Variants in COL25A1 observed in about 807,000 individuals in gnomAD.
COL25A1 encodes collagen type XXV alpha 1 chain.
COL25A1 carries 103 observed loss-of-function variants against 128.4 expected under a neutral mutation model. The observed-to-expected ratio is 0.80, with a 90% CI of 0.68 to 0.94. The LOEUF (loss-of-function observed/expected upper bound fraction) is 0.94. COL25A1 is among the 40% of genes least tolerant of loss of function. The pLI is 0.00. For missense variants in COL25A1, 745 were observed against 840.0 expected, an observed-to-expected ratio of 0.89 and a Z score of 1.40; for synonymous variants, 279 against 277.2, an observed-to-expected ratio of 1.01 and a Z score of -0.06.
chr4:108,976,900 G>A (rs1184748993), intron 6 of COL25A1, among the ~76,000 whole-genome samples: 1 of 152,094 alleles, frequency 6.6e-6, no homozygotes, highest in Non-Finnish European at 1.5e-5. Context: ...TTTTTCACCT[G>A]TTATTGCATT....
At chr4:109,114,014 T>A (rs1308806669) in intron 3 of COL25A1, among the ~76,000 whole-genome samples, 3 of 152,098 alleles carry the variant, frequency 2.0e-5, no homozygotes, top group African/African-American at 7.2e-5. Flanking sequence ...TGTAATAAGA[T>A]GACCAATAAT....
Position 109,032,946 on chromosome 4 carries a change from T to C in COL25A1, c.420+15222A>G, listed in dbSNP as rs554801548. Among the ~76,000 whole-genome samples the C allele has an allele frequency of 3.3e-5, 5 of 152,288 alleles. No individual in the cohort carries two copies. The East Asian group carries it at 7.7e-4, about 24-fold the overall frequency. On this transcript the variant is annotated intron_variant, in intron 5 of 37. Coordinates refer to ENST00000399132, the MANE Select transcript of COL25A1 (RefSeq NM_198721.4). Reference sequence around the variant, plus strand: ...CATGGCTGACTAGCCATCCCTGAAATTGTATAAATGAAAGGAAGTAGGCCA... The same window carrying C: ...CATGGCTGACTAGCCATCCCTGAAACTGTATAAATGAAAGGAAGTAGGCCA...
At chr4:109,083,475 T>G (rs1027984328) in intron 3 of COL25A1, among the ~76,000 whole-genome samples, 1 of 139,136 alleles carries the variant, frequency 7.2e-6, no homozygotes, top group Non-Finnish European at 1.5e-5. Flanking sequence ...TTTTTTTTTT[T>G]TTTTTGAGAC....
At chr4:109,217,956 C>T (rs1363030230) in intron 3 of COL25A1, among the ~76,000 whole-genome samples, 1 of 152,182 alleles carries the variant, frequency 6.6e-6, no homozygotes, top group Non-Finnish European at 1.5e-5. Flanking sequence ...ACTGTATATA[C>T]AAGTCATATG....
chr4:109,071,378 T>G (rs571896426), intron 3 of COL25A1, among the ~76,000 whole-genome samples: 4 of 152,086 alleles, frequency 2.6e-5, no homozygotes, highest in Non-Finnish European at 4.4e-5. Flanking sequence ...ATTCAGGACA[T>G]AGGCATGGGC....
intron 3 of COL25A1, among the ~76,000 whole-genome samples, chr4:109,084,617 T>C (rs531467016): frequency 6.6e-6 from 1 of 152,358 alleles, no homozygotes; most frequent in South Asian, 2.1e-4. Flanking sequence ...AATTTATTCT[T>C]GTATGTTATT....
At chr4:108,851,952 T>C (rs938793084) in intron 26 of COL25A1, among the ~76,000 whole-genome samples, 4 of 152,178 alleles carry the variant, frequency 2.6e-5, no homozygotes, top group African/African-American at 7.2e-5. Flanking sequence ...TTTTTTACAT[T>C]TATAATTTCT....
At chr4:109,289,347 C>T (rs938298870) in intron 3 of COL25A1, among the ~76,000 whole-genome samples, 1 of 152,026 alleles carries the variant, frequency 6.6e-6, no homozygotes, top group African/African-American at 2.4e-5. Context: ...GGTTATAACA[C>T]CTTACTAGTT....
At chr4:109,109,547 TTA>T (rs1165205670) in intron 3 of COL25A1, among the ~76,000 whole-genome samples, 1 of 152,192 alleles carries the variant, frequency 6.6e-6, no homozygotes, top group African/African-American at 2.4e-5. Flanking sequence ...AAACTCATCT[TTA>T]CATTAACAAG....
At chr4:109,180,861 T>C (rs868217239) in intron 3 of COL25A1, among the ~76,000 whole-genome samples, 7 of 152,174 alleles carry the variant, frequency 4.6e-5, no homozygotes, top group South Asian at 2.1e-4. Context: ...AATTATTTAG[T>C]ATTTATAAAA....
chr4:109,021,483 G>A (rs965986927), intron 5 of COL25A1, among the ~76,000 whole-genome samples: 32 of 152,078 alleles, frequency 2.1e-4, no homozygotes, highest in African/African-American at 7.2e-4. Flanking sequence ...GAGGATGTAC[G>A]TCACCTCAGG....
chr4:109,135,352 A>G (rs115404278), intron 3 of COL25A1, among the ~76,000 whole-genome samples: 16 of 152,352 alleles, frequency 1.1e-4, no homozygotes, highest in Non-Finnish European at 2.1e-4. Flanking sequence ...ACTCACCAAA[A>G]AGAATGTGTC....
chr4:108,906,215 C>G (rs1434650709), intron 13 of COL25A1, among the ~76,000 whole-genome samples: 3 of 152,158 alleles, frequency 2.0e-5, no homozygotes, highest in Non-Finnish European at 2.9e-5. Context: ...TTCTGCTGCC[C>G]CCTCACATAC....
intron 8 of COL25A1, among the ~76,000 whole-genome samples, chr4:108,950,333 A>T (rs1007696680): frequency 6.6e-6 from 1 of 152,182 alleles, no homozygotes; most frequent in African/African-American, 2.4e-5. Context: ...GCAACACCAC[A>T]GAGAAATGGC....
chr4:109,059,867 CT>C lies in COL25A1; in HGVS notation c.368-9689del, dbSNP rs201870245. ...CATAGTTAAATGTTAAATGGATGAC[CT>C]TTTTTTTTAAAGGCTGAAATAACAG... On this transcript the variant is annotated intron_variant, in intron 3 of 37. Coordinates refer to ENST00000399132, the MANE Select transcript of COL25A1 (RefSeq NM_198721.4). Among the ~76,000 whole-genome samples the C allele has an allele frequency of 1.8e-4, 27 of 151,392 alleles. 1 individual carries two copies. The highest frequency in any genetic ancestry group is 2.1e-4 in the South Asian group (1 of 4,786).
intron 3 of COL25A1, among the ~76,000 whole-genome samples, chr4:109,109,707 C>T (rs1451845182): frequency 6.6e-6 from 1 of 152,178 alleles, no homozygotes; most frequent in East Asian, 1.9e-4. Context: ...ATGCCCTTAA[C>T]CCCACACCTA....
At chr4:109,284,820 C>G (rs1197191609) in intron 3 of COL25A1, among the ~76,000 whole-genome samples, 2 of 148,360 alleles carry the variant, frequency 1.3e-5, no homozygotes, top group African/African-American at 5.1e-5. Flanking sequence ...TTGAATTTGT[C>G]CCCCCATGCC....
intron 3 of COL25A1, among the ~76,000 whole-genome samples, chr4:109,089,322 T>C (rs1279903388): frequency 6.6e-6 from 1 of 152,216 alleles, no homozygotes; most frequent in Non-Finnish European, 1.5e-5. Flanking sequence ...CTCTCATCTT[T>C]CATTCCTTTA....
chr4:108,834,773 A>G (rs977052732), intron 31 of COL25A1, among the ~76,000 whole-genome samples: 1 of 152,218 alleles, frequency 6.6e-6, no homozygotes, highest in South Asian at 2.1e-4. Flanking sequence ...AAGAGAAAAG[A>G]ACGGTAATTT....
Sources: gnomAD v4.1 joint callset for allele counts (sites outside exome capture counted in the v4.1 genomes callset) on GRCh38, gnomAD v4.1.1 for gene constraint, MANE v1.5 for transcripts, NCBI Gene and HGNC (gene_info 2026-07-23, HGNC 2026-07-21) for gene names.